The following ZNF385B variants were observed in gnomAD, a reference collection of about 807,000 sequenced individuals.
ZNF385B encodes the protein zinc finger protein 533.
In ZNF385B, 23 loss-of-function variants were observed where a neutral mutation model predicts 39.2. That is an observed-to-expected ratio of 0.59 (90% CI 0.42 to 0.83). The LOEUF (loss-of-function observed/expected upper bound fraction) is 0.83, where lower values mean the gene tolerates loss of function less well. ZNF385B is among the 40% of genes least tolerant of loss of function. The pLI, the probability that ZNF385B is intolerant of heterozygous loss-of-function variation, is 0.00. For missense variants in ZNF385B, 552 were observed against 598.9 expected, an observed-to-expected ratio of 0.92 and a Z score of 0.82; for synonymous variants, 205 against 222.6, an observed-to-expected ratio of 0.92 and a Z score of 0.70.
rs368948414 is a variant in ZNF385B at position 179,634,133 on chromosome 2, C to T, written c.299-89164G>A. ...AGAAGATAACCTAGGCAATACCATTCAGGACACAGGCATGGGCAAGGACTT... is the reference window on the plus strand; with the variant it reads ...AGAAGATAACCTAGGCAATACCATTTAGGACACAGGCATGGGCAAGGACTT... On this transcript the variant is annotated intron_variant, in intron 3 of 9. Coordinates refer to ENST00000410066, the MANE Select transcript of ZNF385B (RefSeq NM_152520.6). Among the ~76,000 whole-genome samples, 114 of 152,276 alleles carry T rather than the reference C, an allele frequency of 7.5e-4. 4 individuals carry two copies. The South Asian group carries it at 0.023, about 31-fold the overall frequency.
intron 3 of ZNF385B, among the ~76,000 whole-genome samples, chr2:179,597,227 A>G (rs1688070842): frequency 6.6e-6 from 1 of 152,186 alleles, no homozygotes; most frequent in African/African-American, 2.4e-5. Context: ...ACGCCACTTC[A>G]GGTACCTAAT....
chr2:179,570,740 T>C (rs1416861358), intron 3 of ZNF385B, among the ~76,000 whole-genome samples: 1 of 152,214 alleles, frequency 6.6e-6, no homozygotes, highest in Non-Finnish European at 1.5e-5. Flanking sequence ...CCAGGGCTTC[T>C]TAAATTAGGA....
intron 3 of ZNF385B, among the ~76,000 whole-genome samples, chr2:179,698,395 T>C (rs918473243): frequency 6.6e-6 from 1 of 152,204 alleles, no homozygotes; most frequent in Admixed American, 6.5e-5. Context: ...ATACTGAAGA[T>C]TCTAGAAGGC....
chr2:179,581,610 C>A (rs1336564721), intron 3 of ZNF385B, among the ~76,000 whole-genome samples: 5 of 152,172 alleles, frequency 3.3e-5, no homozygotes, highest in Non-Finnish European at 5.9e-5. Flanking sequence ...TAAGGCACTA[C>A]TCTAGGTACT....
At chr2:179,525,933 T>C (rs2058856610) in intron 4 of ZNF385B, among the ~76,000 whole-genome samples, 2 of 151,632 alleles carry the variant, frequency 1.3e-5, no homozygotes, top group Non-Finnish European at 2.9e-5. Flanking sequence ...AAAACTTCAA[T>C]AGAAAGAAAA....
chr2:179,638,643 T>C (rs1691978930), intron 3 of ZNF385B, among the ~76,000 whole-genome samples: 1 of 152,156 alleles, frequency 6.6e-6, no homozygotes, highest in Non-Finnish European at 1.5e-5. Context: ...TTCATTCTAT[T>C]ATCCACTGAG....
chr2:179,489,989 C>T (rs1024071566), intron 5 of ZNF385B, among the ~76,000 whole-genome samples: 11 of 152,224 alleles, frequency 7.2e-5, no homozygotes, highest in African/African-American at 2.7e-4. Context: ...AGGGCCATCA[C>T]ACTGCATAAC....
At chr2:179,458,970 G>T (rs2051002994) in intron 6 of ZNF385B, among the ~76,000 whole-genome samples, 1 of 152,030 alleles carries the variant, frequency 6.6e-6, no homozygotes, top group Non-Finnish European at 1.5e-5. Context: ...TTTGTTACAG[G>T]GATCGGTCCC....
chr2:179,551,504 A>G (rs900452379), intron 3 of ZNF385B, among the ~76,000 whole-genome samples: 2 of 152,100 alleles, frequency 1.3e-5, no homozygotes, highest in Non-Finnish European at 2.9e-5. Context: ...TTCACCTAAG[A>G]TCTCATTATA....
chr2:179,495,026 C>T (rs533486795), intron 5 of ZNF385B, among the ~76,000 whole-genome samples: 75 of 152,082 alleles, frequency 4.9e-4, no homozygotes, highest in Admixed American at 1.7e-3. Flanking sequence ...GATATCAGCA[C>T]GGCCACAGAG....
intron 3 of ZNF385B, among the ~76,000 whole-genome samples, chr2:179,714,350 T>G (rs138756948): frequency 4.2e-4 from 64 of 152,328 alleles, no homozygotes; most frequent in African/African-American, 1.5e-3. Context: ...ACATGGCAAC[T>G]GAGGCAAAGA....
At chr2:179,735,104 A>G (rs1701656685) in intron 3 of ZNF385B, among the ~76,000 whole-genome samples, 1 of 152,030 alleles carries the variant, frequency 6.6e-6, no homozygotes. Context: ...AACCTACAGA[A>G]TGGGAGAAAA....
intron 5 of ZNF385B, among the ~76,000 whole-genome samples, chr2:179,509,428 C>T (rs1033739483): frequency 1.3e-5 from 2 of 152,054 alleles, no homozygotes; most frequent in Non-Finnish European, 1.5e-5. Flanking sequence ...GTTAAACAGC[C>T]GCTATTGAAT....
intron 3 of ZNF385B, among the ~76,000 whole-genome samples, chr2:179,572,682 G>C (rs1685364072): frequency 6.6e-6 from 1 of 152,142 alleles, no homozygotes; most frequent in Non-Finnish European, 1.5e-5. Flanking sequence ...CACAGAACGA[G>C]AGGTCAGTTT....
At chr2:179,835,552 G>A (rs531503649) in intron 1 of ZNF385B, among the ~76,000 whole-genome samples, 1 of 152,106 alleles carries the variant, frequency 6.6e-6, no homozygotes, top group African/African-American at 2.4e-5. Flanking sequence ...GGAATACGAC[G>A]CTTGCTAACA....
intron 3 of ZNF385B, among the ~76,000 whole-genome samples, chr2:179,681,223 TTTA>T (rs1697484560): frequency 6.6e-6 from 1 of 152,102 alleles, no homozygotes; most frequent in South Asian, 2.1e-4. Flanking sequence ...ACATTTTCCA[TTTA>T]TTTTTATTTT....
intron 1 of ZNF385B, among the ~76,000 whole-genome samples, chr2:179,856,624 C>CAAAAAAAA (rs11308289): frequency 4.6e-5 from 5 of 108,300 alleles, no homozygotes; most frequent in Non-Finnish European, 5.9e-5. Context: ...ACAGCAGAGA[C>CAAAAAAAA]AAAAAAAAAA....
intron 6 of ZNF385B, among the ~76,000 whole-genome samples, chr2:179,469,957 G>T (rs2052550950): frequency 1.3e-5 from 2 of 152,106 alleles, no homozygotes; most frequent in African/African-American, 4.8e-5. Flanking sequence ...CTCCCCAATG[G>T]GGGAAACTTG....
chr2:179,493,453 A>G (rs916746142), intron 5 of ZNF385B, among the ~76,000 whole-genome samples: 1 of 150,314 alleles, frequency 6.7e-6, no homozygotes, highest in Non-Finnish European at 1.5e-5. Context: ...GCATGTGTAC[A>G]TGTGTGTACA....
Sources: allele counts gnomAD v4.1 joint callset (sites outside exome capture counted in the v4.1 genomes callset), GRCh38; gene constraint gnomAD v4.1.1; transcripts MANE v1.5; gene names NCBI Gene and HGNC (gene_info 2026-07-23, HGNC 2026-07-21).